PLCH2: variants seen among roughly 807,000 people sequenced by gnomAD.
PLCH2 encodes the protein 1-phosphatidylinositol 4,5-bisphosphate phosphodiesterase eta-2.
PLCH2 carries 98 observed loss-of-function variants against 134.7 expected under a neutral mutation model. The ratio of observed to expected loss-of-function variants is 0.73; its 90% confidence interval spans 0.62 to 0.86. The LOEUF is 0.86. Ranked by LOEUF, PLCH2 falls within the 40% of genes least tolerant of loss-of-function variation. The probability of loss-of-function intolerance (pLI) is 0.00; values close to 1 mark genes in which losing one functional copy is unlikely to be tolerated. For missense variants in PLCH2, 1,994 were observed against 1,986.6 expected (o/e 1.00, Z -0.07); for synonymous variants, 974 against 827.5 (o/e 1.18, Z -3.04).
chr1:2,424,223 G>A (rs990464426), upstream of PLCH2, among the ~76,000 whole-genome samples: 1 of 152,118 alleles, frequency 6.6e-6, no homozygotes, highest in Non-Finnish European at 1.5e-5. Context: ...GAGAACATTT[G>A]ACATGTACTC....
chr1:2,466,332 G>C (rs897127577), upstream of PLCH2, among the ~76,000 whole-genome samples: 4 of 152,240 alleles, frequency 2.6e-5, no homozygotes, highest in Non-Finnish European at 4.4e-5. Context: ...CAAGAGCCCA[G>C]GGCAGGGGCT....
At position 2,439,383 on chromosome 1, in the gene PLCH2, C is replaced by T. The variant is rs1639584815; in HGVS notation, c.115+8754C>T. On this transcript the variant is annotated intron_variant, in intron 2 of 3. Coordinates refer to the PLCH2 transcript ENST00000609981. This position sits in a 1 kb window ranked among gnomAD's most constrained non-coding sequence, Gnocchi z 4.7. Reference sequence around the variant, plus strand: ...ACCTGGTCCCCGACCCCAGGGCTGCCCCCGGGTTCTGGGCCCTGTTCATGG... The same window carrying T: ...ACCTGGTCCCCGACCCCAGGGCTGCTCCCGGGTTCTGGGCCCTGTTCATGG... Among the ~76,000 whole-genome samples, 1 of 152,162 alleles carries T rather than the reference C, an allele frequency of 6.6e-6. No individual in the cohort carries two copies. The highest frequency in any genetic ancestry group is 2.1e-4 in the South Asian group (1 of 4,830).
intron 2 of PLCH2, among the ~76,000 whole-genome samples, chr1:2,445,821 A>G (rs2100540835): frequency 6.6e-6 from 1 of 152,188 alleles, no homozygotes; most frequent in East Asian, 1.9e-4. Flanking sequence ...TGACAATACG[A>G]GTTGTAATTG....
intron 1 of PLCH2, among the ~76,000 whole-genome samples, chr1:2,477,084 T>C: frequency 6.6e-6 from 1 of 152,128 alleles, no homozygotes; most frequent in East Asian, 1.9e-4. Context: ...GTGCCGGACA[T>C]GAGGGCCTTT....
At position 2,504,152 on chromosome 1, in the gene PLCH2, G is replaced by C; in HGVS notation, c.3190G>C (p.Ala1064Pro). ...GCCTCGGCCGTGCAACGGCGAGGGC[G>C]CCGGCGGGGCATACGAGAGGGCCCC... ...SRPRPCNGEG[A>P]GGAYERAPGS... The change falls in exon 22 of 22, where the codon GCC (alanine) becomes CCC (proline). Residue 1064 changes from alanine to proline, a missense_variant. Ala to Pro is a conservative substitution (Grantham distance 27, BLOSUM62 -1). Transcript: ENST00000378486. 10 of 1,522,936 alleles carry C rather than the reference G, an allele frequency of 6.6e-6. No homozygotes were observed. Among genetic ancestry groups the C allele is most frequent in the Non-Finnish European group, 8.8e-6 (10 of 1,137,094 alleles). The allele number at this position is 1,522,936 out of a possible 1,614,324, so 94.3% of individuals were successfully genotyped here. A position where few individuals can be genotyped will look rare whatever the true frequency, so the allele number is the denominator to read the frequency against.
At chr1:2,456,500 C>CT (rs1460367396) in intron 2 of PLCH2, among the ~76,000 whole-genome samples, 1 of 152,248 alleles carries the variant, frequency 6.6e-6, no homozygotes, top group African/African-American at 2.4e-5. Context: ...GTCACCGTCA[C>CT]TGTCACCGCT....
In PLCH2 at chr1:2,491,305, ACT is replaced by A; in HGVS notation, c.1630_1631del (p.Leu544ValfsTer13). 1 of 1,613,198 alleles carries A rather than the reference ACT, an allele frequency of 6.2e-7. No individual in the cohort carries two copies. The highest frequency in any genetic ancestry group is 8.5e-7 in the Non-Finnish European group (1 of 1,179,840). ...ACCCCAACAACTTCTCCGTCTCCAC[ACT>A]GTCCCCATCTGGAAAGCTCGGACGC... is the stretch of plus-strand genomic sequence containing the variant. ...EDPNNFSVST[L>X]SPSGKLGRKS... On this transcript the variant is annotated frameshift_variant, in exon 11 of 22. Transcript: ENST00000378486. LOFTEE classifies it high-confidence loss of function.
chr1:2,434,118 G>C (rs771937270), intron 2 of PLCH2, among the ~76,000 whole-genome samples: 1 of 152,236 alleles, frequency 6.6e-6, no homozygotes, highest in African/African-American at 2.4e-5. Context: ...CCTGGGTGGC[G>C]TTTGATGTAT....
At chr1:2,449,496 A>G (rs1441076055) in intron 2 of PLCH2, among the ~76,000 whole-genome samples, 1 of 124,002 alleles carries the variant, frequency 8.1e-6, no homozygotes, top group African/African-American at 3.4e-5. Context: ...CTCTGTCTCA[A>G]CAAAACCAAC....
At chr1:2,459,585 CCGG>C (rs1197039218) in intron 2 of PLCH2, among the ~76,000 whole-genome samples, 1 of 146,140 alleles carries the variant, frequency 6.8e-6, no homozygotes, top group African/African-American at 2.5e-5. Flanking sequence ...GTCCTCCTTG[CCGG>C]TGGTCTTCCT....
intron 2 of PLCH2, among the ~76,000 whole-genome samples, chr1:2,438,015 C>T (rs761206274): frequency 2.0e-5 from 3 of 152,226 alleles, no homozygotes; most frequent in South Asian, 2.1e-4. Flanking sequence ...CCTCCAGGCC[C>T]GCCTGGCACC....
intron 16 of PLCH2, chr1:2,497,977 T>C (rs532884761): frequency 4.1e-4 from 112 of 275,530 alleles, no homozygotes; most frequent in African/African-American, 2.2e-3. Flanking sequence ...GCTGGGTGTT[T>C]GGAGGAACCT....
At chr1:2,451,052 G>T (rs1459135102) in intron 2 of PLCH2, among the ~76,000 whole-genome samples, 1 of 152,018 alleles carries the variant, frequency 6.6e-6, no homozygotes, top group Non-Finnish European at 1.5e-5. Flanking sequence ...TGCCATAGGG[G>T]CTGTGGCTCG....
intron 2 of PLCH2, among the ~76,000 whole-genome samples, chr1:2,431,467 G>T (rs978863907): frequency 6.6e-6 from 1 of 152,150 alleles, no homozygotes; most frequent in African/African-American, 2.4e-5. Flanking sequence ...CTGGGGAGCT[G>T]CACACAGCCC....
chr1:2,468,307 G>A (rs1403806158), intron 1 of PLCH2, among the ~76,000 whole-genome samples: 1 of 152,266 alleles, frequency 6.6e-6, no homozygotes, highest in Non-Finnish European at 1.5e-5. Flanking sequence ...GCTCCGCTCC[G>A]GGTTGGAGAT....
In PLCH2 at chr1:2,469,615, G is replaced by T. The variant is rs570169006; in HGVS notation, c.43+1953G>T. 5.3e-5 allele frequency among the ~76,000 whole-genome samples: 8 copies of T among 152,058 alleles called. No individual in the cohort carries two copies. The South Asian group carries it at 1.7e-3, about 32-fold the overall frequency. On this transcript the variant is annotated intron_variant, in intron 1 of 21. Transcript: ENST00000449969. ...GCCTGGGGCCCTCTCAGGGACCCAGGCCCAGTGGCTCCACCTTCATTGAGG... is the reference window on the plus strand; with the variant it reads ...GCCTGGGGCCCTCTCAGGGACCCAGTCCCAGTGGCTCCACCTTCATTGAGG...
At position 2,480,344 on chromosome 1, in the gene PLCH2, G is replaced by C. The variant is rs778968237; in HGVS notation, c.645+32G>C. ...TGGGGGGAGCCCTACCTGGGCTCCA[G>C]AGCCAGGGCTGCACGGGGGCTGTGC... On this transcript the variant is annotated intron_variant, in intron 4 of 21. Coordinates refer to ENST00000378486, the MANE Select transcript of PLCH2 (RefSeq NM_014638.4). 2.5e-6 allele frequency: 4 copies of C among 1,602,794 alleles called. No individual in the cohort carries two copies. The Admixed American group carries it at 6.7e-5, about 27-fold the overall frequency.
upstream of PLCH2, among the ~76,000 whole-genome samples, chr1:2,475,841 C>G (rs886107647): frequency 1.3e-5 from 2 of 152,160 alleles, no homozygotes; most frequent in African/African-American, 4.8e-5. Flanking sequence ...GGCTCGGCTC[C>G]CCTCTCCAGC....
upstream of PLCH2, among the ~76,000 whole-genome samples, chr1:2,474,481 C>G (rs964949644): frequency 1.3e-5 from 2 of 152,012 alleles, no homozygotes; most frequent in Admixed American, 1.3e-4. Context: ...GGTGCAGGAG[C>G]CTGGGACCCA....
Sources: allele counts gnomAD v4.1 joint callset (sites outside exome capture counted in the v4.1 genomes callset), GRCh38; gene constraint gnomAD v4.1.1; non-coding constraint Gnocchi (gnomAD v3.1); transcripts MANE v1.5; gene names NCBI Gene and HGNC (gene_info 2026-07-23, HGNC 2026-07-21).